The following NTNG1 variants were observed in gnomAD, a reference collection of about 807,000 sequenced individuals.
NTNG1 encodes netrin-G1.
Under a neutral mutation model 54.0 loss-of-function variants are expected in NTNG1, and 16 were observed. The observed-to-expected ratio is 0.30, with a 90% CI of 0.20 to 0.45. The LOEUF (loss-of-function observed/expected upper bound fraction) is 0.45. Among genes scored for constraint, NTNG1 ranks in the 20% least tolerant of loss-of-function variants. NTNG1 has a pLI of 1.00. For missense variants in NTNG1, 530 were observed against 678.7 expected (o/e 0.78, Z 2.43); for synonymous variants, 255 against 263.1 (o/e 0.97, Z 0.30).
intron 2 of NTNG1, among the ~76,000 whole-genome samples, chr1:107,181,929 G>GA (rs1013988096): frequency 7.3e-5 from 11 of 151,460 alleles, no homozygotes; most frequent in Non-Finnish European, 1.6e-4. Flanking sequence ...TCCTTTAGGT[G>GA]AAAAAAAATG....
At chr1:107,450,190 G>C (rs1676538812) in intron 7 of NTNG1, among the ~76,000 whole-genome samples, 1 of 152,104 alleles carries the variant, frequency 6.6e-6, no homozygotes, top group Non-Finnish European at 1.5e-5. Flanking sequence ...TAAAGATAAT[G>C]AAACCAAATG....
chr1:107,146,789 A>G (rs953403042), intron 1 of NTNG1, among the ~76,000 whole-genome samples: 3 of 152,048 alleles, frequency 2.0e-5, no homozygotes, highest in African/African-American at 7.2e-5. Flanking sequence ...TGGAAACACA[A>G]TTCAACCATC....
chr1:107,198,730 T>C (rs1570825628), intron 2 of NTNG1, among the ~76,000 whole-genome samples: 2 of 151,998 alleles, frequency 1.3e-5, no homozygotes, highest in East Asian at 3.9e-4. Flanking sequence ...GGTCTCAGTT[T>C]TCTCATTATG....
At chr1:107,265,050 T>A (rs1663641732) in intron 2 of NTNG1, among the ~76,000 whole-genome samples, 1 of 152,194 alleles carries the variant, frequency 6.6e-6, no homozygotes, top group South Asian at 2.1e-4. Context: ...ATTTATTGAA[T>A]GAATGAATGT....
At chr1:107,371,818 C>T (rs1670936881) in intron 3 of NTNG1, among the ~76,000 whole-genome samples, 1 of 152,044 alleles carries the variant, frequency 6.6e-6, no homozygotes, top group Non-Finnish European at 1.5e-5. Context: ...CTGAGTATTA[C>T]TTATCCAAAA....
chr1:107,182,544 AT>A (rs1657150969), intron 2 of NTNG1, among the ~76,000 whole-genome samples: 1 of 152,170 alleles, frequency 6.6e-6, no homozygotes, highest in Non-Finnish European at 1.5e-5. Context: ...AAGAAAAAAA[AT>A]GATAAAATAT....
intron 2 of NTNG1, among the ~76,000 whole-genome samples, chr1:107,275,586 A>C (rs1478985289): frequency 2.0e-5 from 3 of 152,098 alleles, no homozygotes. Flanking sequence ...CAGCAGGCTC[A>C]AGATCCAAGA....
chr1:107,191,905 A>T (rs1215498779), intron 2 of NTNG1, among the ~76,000 whole-genome samples: 2 of 152,130 alleles, frequency 1.3e-5, no homozygotes, highest in African/African-American at 2.4e-5. Flanking sequence ...TGACTTGGCG[A>T]TGCGGGCTCT....
rs1678688893 is a variant in NTNG1 at position 107,481,164 on chromosome 1, C to G, written c.*324C>G. 2.7e-6 allele frequency: 1 copy of G among 376,534 alleles called. No individual in the cohort carries two copies. The highest frequency in any genetic ancestry group is 4.8e-6 in the Non-Finnish European group (1 of 206,368). The allele number at this position is 376,534 out of a possible 1,614,324, so 23.3% of individuals were successfully genotyped here. ...GAAAGACAAAAAACAAACAAATCAA[C>G]CGACCTAAAAACATTGGCTACTCTA... On this transcript the variant is annotated 3_prime_UTR_variant, in exon 8 of 8. Transcript: ENST00000370068.
intron 2 of NTNG1, among the ~76,000 whole-genome samples, chr1:107,163,310 T>A (rs561704778): frequency 6.6e-5 from 10 of 152,280 alleles, no homozygotes; most frequent in African/African-American, 2.4e-4. Context: ...TGTACCTCAG[T>A]CAAGTTATTT....
At chr1:107,177,886 A>G (rs1656767172) in intron 2 of NTNG1, among the ~76,000 whole-genome samples, 1 of 152,160 alleles carries the variant, frequency 6.6e-6, no homozygotes. Context: ...ATCAACTTTC[A>G]GGACCACATT....
chr1:107,155,355 A>G (rs1332525764), intron 2 of NTNG1, among the ~76,000 whole-genome samples: 1 of 151,844 alleles, frequency 6.6e-6, no homozygotes, highest in Non-Finnish European at 1.5e-5. Flanking sequence ...CCTATCTTTC[A>G]ATGTCTAGCT....
chr1:107,265,787 A>G (rs1322740637), intron 2 of NTNG1, among the ~76,000 whole-genome samples: 1 of 152,234 alleles, frequency 6.6e-6, no homozygotes, highest in East Asian at 1.9e-4. Context: ...TTTAAGAAAT[A>G]TATAGGAAAA....
At chr1:107,208,586 G>C (rs375127634) in intron 2 of NTNG1, among the ~76,000 whole-genome samples, 2 of 152,000 alleles carry the variant, frequency 1.3e-5, no homozygotes, top group East Asian at 3.9e-4. Context: ...GAACTCTTTC[G>C]TTTTCCATCT....
chr1:107,155,426 C>CTCTCTA (rs1442196736), intron 2 of NTNG1, among the ~76,000 whole-genome samples: 3 of 152,124 alleles, frequency 2.0e-5, no homozygotes, highest in African/African-American at 4.8e-5. Context: ...ATCTCTCTCT[C>CTCTCTA]TCTCTATCTC....
intron 1 of NTNG1, among the ~76,000 whole-genome samples, chr1:107,144,019 G>A (rs1653931488): frequency 6.6e-6 from 1 of 152,092 alleles, no homozygotes; most frequent in African/African-American, 2.4e-5. Flanking sequence ...CTATGCCAAT[G>A]ATGTTGCAGT....
intron 2 of NTNG1, among the ~76,000 whole-genome samples, chr1:107,189,841 C>G (rs1400983943): frequency 1.3e-5 from 2 of 151,028 alleles, no homozygotes; most frequent in East Asian, 3.9e-4. Context: ...AAGGGGGGGG[C>G]CTTACTGGAT....
chr1:107,268,645 C>T (rs1663922698), intron 2 of NTNG1, among the ~76,000 whole-genome samples: 1 of 152,150 alleles, frequency 6.6e-6, no homozygotes, highest in East Asian at 1.9e-4. Context: ...AACTTAATCT[C>T]AGACCTCACT....
chr1:107,224,796 A>G (rs1660570512), intron 2 of NTNG1, among the ~76,000 whole-genome samples: 1 of 152,180 alleles, frequency 6.6e-6, no homozygotes, highest in African/African-American at 2.4e-5. Flanking sequence ...GAGAAATTAA[A>G]TAGCATTCTG....
Sources: allele counts gnomAD v4.1 joint callset (sites outside exome capture counted in the v4.1 genomes callset), GRCh38; gene constraint gnomAD v4.1.1; transcripts MANE v1.5; gene names NCBI Gene and HGNC (gene_info 2026-07-23, HGNC 2026-07-21).